Variants in MFSD6 observed in about 807,000 individuals in gnomAD.
MFSD6 encodes the protein major facilitator superfamily domain containing 6, also known as major facilitator superfamily domain-containing protein 6.
MFSD6 carries 26 observed loss-of-function variants against 56.3 expected under a neutral mutation model. The observed-to-expected ratio is 0.46, with a 90% CI of 0.34 to 0.64. MFSD6 has a LOEUF of 0.64. MFSD6 is among the 30% of genes least tolerant of loss of function. The probability of loss-of-function intolerance (pLI) is 0.01; values close to 1 mark genes in which losing one functional copy is unlikely to be tolerated. For synonymous variants in MFSD6, 331 were observed against 366.9 expected (o/e 0.90, Z 1.12); for missense variants, 750 against 986.2 (o/e 0.76, Z 3.21).
At chr2:190,448,915 GTCC>G (rs1405575671) in intron 3 of MFSD6, among the ~76,000 whole-genome samples, 1 of 152,022 alleles carries the variant, frequency 6.6e-6, no homozygotes, top group Non-Finnish European at 1.5e-5. Flanking sequence ...CAATATAACC[GTCC>G]TCCTGTAGAA....
Position 190,437,496 on chromosome 2 carries a change from T to A in MFSD6, c.1467T>A (p.Ser489Arg). 6.2e-7 allele frequency: 1 copy of A among 1,614,206 alleles called. No individual in the cohort carries two copies. The highest frequency in any genetic ancestry group is 8.5e-7 in the Non-Finnish European group (1 of 1,180,034). The part of the protein sequence containing the change: ...TTLFGVCSVL[S>R]HVSELTAYFF... Reference sequence around the variant, plus strand: ...TCTTTGGGGTCTGTTCAGTCCTGAGTCATGTGTCTGAGCTGACAGCATATT... The same window carrying A: ...TCTTTGGGGTCTGTTCAGTCCTGAGACATGTGTCTGAGCTGACAGCATATT... The change falls in exon 3 of 8, where the codon AGT (serine) becomes AGA (arginine). Residue 489 changes from serine to arginine, a missense_variant. Ser to Arg is a moderately radical substitution (Grantham distance 110, BLOSUM62 -1). Around this residue, in one of 5 missense-constraint regions of MFSD6, gnomAD observed 125 missense variants for 223.1 expected, o/e 0.56. Transcript: ENST00000392328. This position sits in a 1 kb window ranked among gnomAD's most constrained non-coding sequence, Gnocchi z 5.9.
At chr2:190,473,441 T>C (rs1343891668) in intron 4 of MFSD6, among the ~76,000 whole-genome samples, 2 of 151,950 alleles carry the variant, frequency 1.3e-5, no homozygotes, top group Admixed American at 6.6e-5. Flanking sequence ...GCAATCCTGG[T>C]CTCTGATAAA....
At chr2:190,486,826 C>T (rs1477304075) in intron 4 of MFSD6, among the ~76,000 whole-genome samples, 1 of 152,208 alleles carries the variant, frequency 6.6e-6, no homozygotes, top group Non-Finnish European at 1.5e-5. Flanking sequence ...ATTTCTTAAT[C>T]TCGTCTAGCT....
At chr2:190,422,605 A>G (rs951776203) in intron 2 of MFSD6, among the ~76,000 whole-genome samples, 3 of 152,184 alleles carry the variant, frequency 2.0e-5, no homozygotes, top group Admixed American at 6.5e-5. Context: ...ATTATGTGAA[A>G]TATTTTATAC....
chr2:190,419,252 A>C (rs1326377141), intron 2 of MFSD6, among the ~76,000 whole-genome samples: 1 of 152,198 alleles, frequency 6.6e-6, no homozygotes, highest in Non-Finnish European at 1.5e-5. Flanking sequence ...CGGTGTGTGA[A>C]TACCTAGATT....
chr2:190,417,214 A>G lies in MFSD6; in HGVS notation c.-54+1801A>G, dbSNP rs1690812894. On this transcript the variant is annotated intron_variant, in intron 2 of 7. Coordinates refer to ENST00000392328, the MANE Select transcript of MFSD6 (RefSeq NM_017694.4). This position sits in a 1 kb window ranked among gnomAD's most constrained non-coding sequence, Gnocchi z 5.7. ...ATTAGATATAGTGAATTCATAAAGT[A>G]CTGTTTGTTCTGAAATGATACCATC... Among the ~76,000 whole-genome samples the G allele has an allele frequency of 6.6e-6, 1 of 152,192 alleles. No individual in the cohort carries two copies. The highest frequency in any genetic ancestry group is 1.5e-5 in the Non-Finnish European group (1 of 68,028).
chr2:190,496,726 C>T lies in MFSD6; in HGVS notation c.1892-713C>T, dbSNP rs975806459. On this transcript the variant is annotated intron_variant, in intron 6 of 7. Transcript: ENST00000392328. This position sits in a 1 kb window ranked among gnomAD's most constrained non-coding sequence, Gnocchi z 4.7. ...CATACATACACAATGGAATACTACT[C>T]AGCCATAAAAAGGAATGAATTAATG... 6.6e-6 allele frequency among the ~76,000 whole-genome samples: 1 copy of T among 152,014 alleles called. No homozygotes were observed. The highest frequency in any genetic ancestry group is 1.5e-5 in the Non-Finnish European group (1 of 68,004).
chr2:190,485,614 A>G lies in MFSD6; in HGVS notation c.1631-3043A>G, dbSNP rs1307653112. On this transcript the variant is annotated intron_variant, in intron 4 of 7. Coordinates refer to ENST00000392328, the MANE Select transcript of MFSD6 (RefSeq NM_017694.4). The surrounding 1 kb of genome is among the most constrained non-coding windows in gnomAD (Gnocchi z 5.1). ...AATAATAGAAATGAAAATACTTACA[A>G]TTATTCCCATTAGGTACTATGGTGT... Among the ~76,000 whole-genome samples, 2 of 152,186 alleles carry G rather than the reference A, an allele frequency of 1.3e-5. No homozygotes were observed. Among genetic ancestry groups the G allele is most frequent in the Non-Finnish European group, 2.9e-5 (2 of 68,018 alleles).
In MFSD6 at chr2:190,491,722, C is replaced by T. The variant is rs1022886434; in HGVS notation, c.1891+1856C>T. On this transcript the variant is annotated intron_variant, in intron 6 of 7. Transcript: ENST00000392328. This position sits in a 1 kb window ranked among gnomAD's most constrained non-coding sequence, Gnocchi z 4.2. Reference sequence around the variant, plus strand: ...CCCAAATGAGAAGGAACCAGAACAACAATTCTAGTAATATGACAAAACAAG... The same window carrying T: ...CCCAAATGAGAAGGAACCAGAACAATAATTCTAGTAATATGACAAAACAAG... Among the ~76,000 whole-genome samples, 2 of 152,176 alleles carry T rather than the reference C, an allele frequency of 1.3e-5. No homozygotes were observed. Among genetic ancestry groups the T allele is most frequent in the Non-Finnish European group, 2.9e-5 (2 of 68,038 alleles).
In MFSD6 at chr2:190,500,271, C is replaced by G; in HGVS notation, c.*53C>G. The G allele has an allele frequency of 6.3e-7, 1 of 1,596,942 alleles. No individual in the cohort carries two copies. Among genetic ancestry groups the G allele is most frequent in the Admixed American group, 1.7e-5 (1 of 59,536 alleles). The stretch of plus-strand genomic sequence containing the variant: ...ATGGAATCAGGCTCCTCAGCCAGGA[C>G]ACAGGGTGAGGCCCCCCAGCCAGGA... On this transcript the variant is annotated 3_prime_UTR_variant, in exon 8 of 8. Transcript: ENST00000392328. This position sits in a 1 kb window ranked among gnomAD's most constrained non-coding sequence, Gnocchi z 5.3.
chr2:190,410,412 C>T lies in MFSD6; in HGVS notation c.-176+1909C>T, dbSNP rs976304448. The stretch of plus-strand genomic sequence containing the variant: ...CAGGAAATTTCCACATGGTGTCCCT[C>T]CCTAATCAGAACCTATTAAGTCTCT... On this transcript the variant is annotated intron_variant, in intron 1 of 7. Transcript: ENST00000392328. The surrounding 1 kb of genome is among the most constrained non-coding windows in gnomAD (Gnocchi z 4.4). Among the ~76,000 whole-genome samples, 1 of 152,174 alleles carries T rather than the reference C, an allele frequency of 6.6e-6. No individual in the cohort carries two copies. Among genetic ancestry groups the T allele is most frequent in the African/African-American group, 2.4e-5 (1 of 41,440 alleles).
intron 3 of MFSD6, among the ~76,000 whole-genome samples, chr2:190,449,033 G>T (rs1280192221): frequency 6.6e-6 from 1 of 152,194 alleles, no homozygotes; most frequent in African/African-American, 2.4e-5. Context: ...TAAACATTGA[G>T]ATTTTGTGTC....
chr2:190,489,473 T>A lies in MFSD6; in HGVS notation c.1793-295T>A, dbSNP rs1352232924. 4.6e-5 allele frequency among the ~76,000 whole-genome samples: 7 copies of A among 152,194 alleles called. No individual in the cohort carries two copies. Among genetic ancestry groups the A allele is most frequent in the African/African-American group, 1.4e-4 (6 of 41,446 alleles). On this transcript the variant is annotated intron_variant, in intron 5 of 7. Transcript: ENST00000392328. The surrounding 1 kb of genome is among the most constrained non-coding windows in gnomAD (Gnocchi z 6.6). ...TAATTGGGTAAATGGTCTTTTCATATGAAGAGGAGAGCACCATTGAATTGT... is the reference window on the plus strand; with the variant it reads ...TAATTGGGTAAATGGTCTTTTCATAAGAAGAGGAGAGCACCATTGAATTGT...
intron 4 of MFSD6, among the ~76,000 whole-genome samples, chr2:190,472,582 G>A (rs1009485875): frequency 5.3e-5 from 8 of 152,174 alleles, no homozygotes; most frequent in African/African-American, 1.7e-4. Flanking sequence ...AAATATGGGA[G>A]TATGTGAAAA....
intron 3 of MFSD6, chr2:190,464,952 AT>A: frequency 1.0e-6 from 1 of 977,228 alleles, no homozygotes; most frequent in Non-Finnish European, 1.2e-6. Context: ...AGTTGGTTAA[AT>A]TTAGAAAAGT....
rs1323286873 is a variant in MFSD6, at chr2:190,424,182, G to A, written c.-54+8769G>A. Among the ~76,000 whole-genome samples, 2 of 150,462 alleles carry A rather than the reference G, an allele frequency of 1.3e-5. No homozygotes were observed. Among genetic ancestry groups the A allele is most frequent in the Non-Finnish European group, 2.9e-5 (2 of 67,832 alleles). Reference sequence around the variant, plus strand: ...TTTTCCTTTTATGGATCATGGTATCGGTGTCAAGTCTAAAAACTCTGCCTA... The same window carrying A: ...TTTTCCTTTTATGGATCATGGTATCAGTGTCAAGTCTAAAAACTCTGCCTA... On this transcript the variant is annotated intron_variant, in intron 2 of 7. Transcript: ENST00000392328. The surrounding 1 kb of genome is among the most constrained non-coding windows in gnomAD (Gnocchi z 5.9).
At chr2:190,430,975 C>T (rs956971582) in intron 2 of MFSD6, among the ~76,000 whole-genome samples, 1 of 150,188 alleles carries the variant, frequency 6.7e-6, no homozygotes, top group Non-Finnish European at 1.5e-5. Flanking sequence ...GAAGGGGCTC[C>T]TCACTTCTCA....
intron 2 of MFSD6, among the ~76,000 whole-genome samples, chr2:190,427,060 G>A (rs1485475239): frequency 2.0e-5 from 3 of 152,244 alleles, no homozygotes; most frequent in African/African-American, 7.2e-5. Context: ...CCCATTGAGA[G>A]TGAGGGGTGG....
At position 190,490,359 on chromosome 2, in the gene MFSD6, C is replaced by A. The variant is rs2125242057; in HGVS notation, c.1891+493C>A. Reference sequence around the variant, plus strand: ...CGGGTGGATCACGAGGTTAGGAGATCAAGACCATCTTGGCTAACACGGTGA... The same window carrying A: ...CGGGTGGATCACGAGGTTAGGAGATAAAGACCATCTTGGCTAACACGGTGA... On this transcript the variant is annotated intron_variant, in intron 6 of 7. Transcript: ENST00000392328. This position sits in a 1 kb window ranked among gnomAD's most constrained non-coding sequence, Gnocchi z 4.5. Among the ~76,000 whole-genome samples, 1 of 151,336 alleles carries A rather than the reference C, an allele frequency of 6.6e-6. No homozygotes were observed. Among genetic ancestry groups the A allele is most frequent in the East Asian group, 1.9e-4 (1 of 5,146 alleles).
Sources: gnomAD v4.1 joint callset for allele counts (sites outside exome capture counted in the v4.1 genomes callset) on GRCh38, gnomAD v4.1.1 for gene constraint, gnomAD v4.1.1 regional missense constraint, Gnocchi (gnomAD v3.1) non-coding constraint, MANE v1.5 for transcripts, NCBI Gene and HGNC (gene_info 2026-07-23, HGNC 2026-07-21) for gene names.